MTHFD2: variants seen among roughly 807,000 people sequenced by gnomAD.
MTHFD2 encodes the protein bifunctional methylenetetrahydrofolate dehydrogenase/cyclohydrolase, mitochondrial.
MTHFD2 carries 26 observed loss-of-function variants against 36.8 expected under a neutral mutation model. The observed-to-expected ratio is 0.71, with a 90% CI of 0.52 to 0.98. The LOEUF (loss-of-function observed/expected upper bound fraction) is 0.98. Among genes scored for constraint, MTHFD2 ranks in the 50% least tolerant of loss-of-function variants. MTHFD2 has a pLI of 0.00. For synonymous variants in MTHFD2, 164 were observed against 155.2 expected, an observed-to-expected ratio of 1.06 and a Z score of -0.42; for missense variants, 373 against 434.0, an observed-to-expected ratio of 0.86 and a Z score of 1.25.
At chr2:74,198,853 C>A in intron 1 of MTHFD2, 111 bp downstream of exon 1, 1 of 1,056,478 alleles carries the variant, frequency 9.5e-7, no homozygotes, top group Non-Finnish European at 1.3e-6. Context: ...AACATCTCCG[C>A]CCCGGCGGTG....
In MTHFD2 at chr2:74,211,760, A is replaced by G. The variant is rs1282972514; in HGVS notation, c.783A>G (p.Thr261=). ...TTCCAGGTATTCCAAATCTGATCAC[A>G]GCAGATATGATCAAGGAAGGAGCAG... The part of the protein sequence containing the change: ...ISAAGIPNLI[T]ADMIKEGAAV... The change falls in exon 7 of 8, where the codon ACA becomes ACG. Residue 261 remains threonine, a synonymous_variant. Coordinates refer to ENST00000394053, the MANE Select transcript of MTHFD2 (RefSeq NM_006636.4). 6.2e-7 allele frequency: 1 copy of G among 1,611,328 alleles called. No homozygotes were observed. Among genetic ancestry groups the G allele is most frequent in the Non-Finnish European group, 8.5e-7 (1 of 1,179,218 alleles).
intron 1 of MTHFD2, among the ~76,000 whole-genome samples, chr2:74,204,103 G>A (rs569256522): frequency 1.3e-5 from 2 of 152,008 alleles, no homozygotes; most frequent in South Asian, 2.1e-4. Context: ...TAGCAGAGAC[G>A]GGGTTTTGCC....
At chr2:74,203,897 T>TTTAG (rs1390261823) in intron 1 of MTHFD2, among the ~76,000 whole-genome samples, 16 of 27,856 alleles carry the variant, frequency 5.7e-4, no homozygotes, top group African/African-American at 2.3e-3. Context: ...TTTAGTTTAG[T>TTTAG]TTAGTTTAGT....
At chr2:74,199,359 G>A (rs1490204703) in intron 1 of MTHFD2, among the ~76,000 whole-genome samples, 1 of 152,226 alleles carries the variant, frequency 6.6e-6, no homozygotes, top group Non-Finnish European at 1.5e-5. Context: ...ACCAGAGCCT[G>A]TCAGTGCCGG....
chr2:74,199,537 C>A (rs10198300), intron 1 of MTHFD2, among the ~76,000 whole-genome samples: 5 of 152,024 alleles, frequency 3.3e-5, no homozygotes, highest in African/African-American at 4.8e-5. Flanking sequence ...AACATATGAA[C>A]GTATTTAATA....
chr2:74,202,172 A>G (rs756557365), intron 1 of MTHFD2, among the ~76,000 whole-genome samples: 1 of 152,114 alleles, frequency 6.6e-6, no homozygotes. Context: ...CTGACTAGAT[A>G]TACATATAGT....
chr2:74,209,657 T>A (rs1372369802), intron 4 of MTHFD2, among the ~76,000 whole-genome samples: 1 of 152,022 alleles, frequency 6.6e-6, no homozygotes. Flanking sequence ...TTAGCCTCCC[T>A]GGCCTCAAGC....
chr2:74,205,676 T>TGGTTTTGTGA, intron 1 of MTHFD2, 29 bp from the exon 2 acceptor site: 1 of 1,606,886 alleles, frequency 6.2e-7, no homozygotes, highest in Non-Finnish European at 8.5e-7. Flanking sequence ...TCAAGTTATT[T>TGGTTTTGTGA]GGTTTTGTGA....
chr2:74,211,326 A>T lies in MTHFD2; in HGVS notation c.763+35A>T, dbSNP rs372119636. ...CAAGGGGGATGGAGGGAAGGACTTC[A>T]CCTCAGAAGAGGAGGTTGTACCCCT... On this transcript the variant is annotated intron_variant, in intron 6 of 7. Transcript: ENST00000394053. The T allele has an allele frequency of 3.4e-5, 47 of 1,378,024 alleles. No homozygotes were observed. In the African/African-American group the frequency reaches 5.9e-4, roughly 17 times the overall value. The allele number at this position is 1,378,024 out of a possible 1,614,324, so 85.4% of individuals were successfully genotyped here.
Position 74,208,637 on chromosome 2 carries a change from A to C in MTHFD2, c.478A>C (p.Ile160Leu). 1 of 1,614,182 alleles carries C rather than the reference A, an allele frequency of 6.2e-7. No individual in the cohort carries two copies. The highest frequency in any genetic ancestry group is 8.5e-7 in the Non-Finnish European group (1 of 1,180,012). Residue 160 changes from isoleucine to leucine, a missense_variant, in exon 4 of 8, where the codon ATT (isoleucine) becomes CTT (leucine). Ile to Leu is a conservative substitution (Grantham distance 5). Transcript: ENST00000394053. ...PDKDVDGFHV[I>L]NVGRMCLDQY... is the part of the protein sequence containing the mutation. The stretch of plus-strand genomic sequence containing the variant: ...CAAGGATGTTGATGGCTTTCATGTA[A>C]TTAATGTAGGACGAATGTGTTTGGA...
At chr2:74,207,557 A>G (rs1694211776) in intron 2 of MTHFD2, 147 bp from the exon 3 acceptor site, 1 of 640,278 alleles carries the variant, frequency 1.6e-6, no homozygotes, top group South Asian at 2.3e-5. Context: ...TTGTGAAGTT[A>G]CTTTTTTAGG....
At chr2:74,205,322 A>G (rs6546893) in intron 1 of MTHFD2, among the ~76,000 whole-genome samples, 62,386 of 151,980 alleles carry the variant, frequency 0.41, 13,063 homozygotes, top group Middle Eastern at 0.51. Flanking sequence ...ATTGCAAATT[A>G]AAACTGTAAA....
At position 74,198,650 on chromosome 2, in the gene MTHFD2, G is replaced by T. The variant is rs757237743; in HGVS notation, c.9G>T (p.Ala3=). 29 of 1,608,778 alleles carry T rather than the reference G, an allele frequency of 1.8e-5. No individual in the cohort carries two copies. The highest frequency in any genetic ancestry group is 8.5e-7 in the Non-Finnish European group (1 of 1,177,920). Residue 3 remains alanine, a synonymous_variant, in exon 1 of 8, where the codon GCG becomes GCT. Coordinates refer to ENST00000394053, the MANE Select transcript of MTHFD2 (RefSeq NM_006636.4). MA[A]TSLMSALAAR... The stretch of plus-strand genomic sequence containing the variant: ...AGTCACCGGCGCGGTCTATGGCTGC[G>T]ACTTCTCTAATGTCTGCTTTGGCTG...
At chr2:74,203,557 T>C (rs916425134) in intron 1 of MTHFD2, among the ~76,000 whole-genome samples, 8 of 152,112 alleles carry the variant, frequency 5.3e-5, no homozygotes, top group Non-Finnish European at 5.9e-5. Flanking sequence ...AGCTGGAGAA[T>C]TGCATGAACT....
Position 74,205,892 on chromosome 2 carries a change from A to G in MTHFD2, c.286+3A>G, listed in dbSNP as rs1694168709. ...AACCAGGGCAGCTGCAGTTGTGGGT[A>G]TGTGTCCTTCTGAGACCTCGACTGC... On this transcript the variant is annotated splice_donor_region_variant and intron_variant, in intron 2 of 7. Coordinates refer to ENST00000394053, the MANE Select transcript of MTHFD2 (RefSeq NM_006636.4). 6.2e-7 allele frequency: 1 copy of G among 1,611,974 alleles called. No homozygotes were observed. Among genetic ancestry groups the G allele is most frequent in the Non-Finnish European group, 8.5e-7 (1 of 1,178,504 alleles).
intron 2 of MTHFD2, among the ~76,000 whole-genome samples, chr2:74,206,872 C>T (rs748912016): frequency 6.6e-6 from 1 of 151,878 alleles, no homozygotes. Flanking sequence ...CCATGCCTGG[C>T]GAATTTTGTA....
intron 3 of MTHFD2, 40 bp from the exon 4 acceptor site, chr2:74,208,529 C>T (rs368587601): frequency 1.6e-5 from 26 of 1,601,936 alleles, no homozygotes; most frequent in East Asian, 2.2e-5. Context: ...GCTGACTATG[C>T]GGTGGTGATT....
intron 7 of MTHFD2, among the ~76,000 whole-genome samples, chr2:74,213,505 G>GGCCTCAAACAATCTCCCCC (rs1397678366): frequency 6.6e-6 from 1 of 151,788 alleles, no homozygotes; most frequent in East Asian, 1.9e-4. Flanking sequence ...TCAAACTCCT[G>GGCCTCAAACAATCTCCCCC]GCCTCAAACA....
intron 5 of MTHFD2, 48 bp from the exon 6 acceptor site, chr2:74,211,151 A>G (rs370537338): frequency 6.3e-6 from 8 of 1,266,448 alleles, no homozygotes; most frequent in African/African-American, 5.9e-5. Context: ...ACCTAATCCA[A>G]TCCCAGCTTT....
Sources: allele counts gnomAD v4.1 joint callset (sites outside exome capture counted in the v4.1 genomes callset), GRCh38; gene constraint gnomAD v4.1.1; transcripts MANE v1.5; gene names NCBI Gene and HGNC (gene_info 2026-07-23, HGNC 2026-07-21).